The following HS6ST3 variants were observed in gnomAD, a reference collection of about 807,000 sequenced individuals.
HS6ST3 encodes the protein heparan-sulfate 6-O-sulfotransferase 3.
HS6ST3 carries 12 observed loss-of-function variants against 36.7 expected under a neutral mutation model. That is an observed-to-expected ratio of 0.33 (90% CI 0.21 to 0.53). The LOEUF is 0.53. HS6ST3 is among the 20% of genes least tolerant of loss of function. The pLI, the probability that HS6ST3 is intolerant of heterozygous loss-of-function variation, is 0.95. For missense variants in HS6ST3, 584 were observed against 640.9 expected (o/e 0.91, Z 0.96); for synonymous variants, 240 against 257.5 (o/e 0.93, Z 0.65).
chr13:96,333,382 A>T (rs1255890882), intron 1 of HS6ST3, among the ~76,000 whole-genome samples: 1 of 152,166 alleles, frequency 6.6e-6, no homozygotes, highest in African/African-American at 2.4e-5. Context: ...CATTAACCTG[A>T]AGTGATTACT....
At chr13:96,607,892 T>C (rs61262731) in intron 1 of HS6ST3, among the ~76,000 whole-genome samples, 4,533 of 152,266 alleles carry the variant, frequency 0.03, 224 homozygotes, top group African/African-American at 0.1. Context: ...ATTTTATTTT[T>C]AAATGCGTAC....
intron 1 of HS6ST3, among the ~76,000 whole-genome samples, chr13:96,196,968 C>T (rs1251349149): frequency 2.6e-5 from 4 of 152,176 alleles, no homozygotes; most frequent in African/African-American, 9.7e-5. Context: ...CTGCACCATC[C>T]TGTGGTTTAT....
chr13:96,689,044 A>G (rs1250335397), intron 1 of HS6ST3, among the ~76,000 whole-genome samples: 1 of 152,066 alleles, frequency 6.6e-6, no homozygotes, highest in Non-Finnish European at 1.5e-5. Flanking sequence ...ATTGATTCAC[A>G]CTTTATAGTC....
intron 1 of HS6ST3, among the ~76,000 whole-genome samples, chr13:96,245,151 T>TA (rs2054578770): frequency 6.6e-6 from 1 of 152,226 alleles, no homozygotes; most frequent in South Asian, 2.1e-4. Flanking sequence ...GCAACCAACA[T>TA]ATGACACTTG....
Position 96,389,245 on chromosome 13 carries a change from A to AT in HS6ST3, c.707+297677dup, listed in dbSNP as rs1462458920. 5.3e-5 allele frequency among the ~76,000 whole-genome samples: 8 copies of AT among 152,216 alleles called. No individual in the cohort carries two copies. The East Asian group carries it at 1.6e-3, about 29-fold the overall frequency. On this transcript the variant is annotated intron_variant, in intron 1 of 1. Transcript: ENST00000376705. The stretch of plus-strand genomic sequence containing the variant: ...GTACGGGACTCAGAATTTTTGTTAA[A>AT]TAAGATTTTAGCTGTTCTTGTCATA...
intron 1 of HS6ST3, among the ~76,000 whole-genome samples, chr13:96,139,676 A>G (rs1359789972): frequency 1.3e-5 from 2 of 151,710 alleles, no homozygotes; most frequent in African/African-American, 2.4e-5. Context: ...ATTTTTCTTC[A>G]TGAGTTTTGC....
intron 1 of HS6ST3, among the ~76,000 whole-genome samples, chr13:96,576,379 A>G (rs2056321302): frequency 6.6e-6 from 1 of 152,154 alleles, no homozygotes; most frequent in Non-Finnish European, 1.5e-5. Flanking sequence ...TCTTGTTAAA[A>G]ACAGATGGGG....
chr13:96,206,931 A>G (rs1215329774), intron 1 of HS6ST3, among the ~76,000 whole-genome samples: 1 of 152,170 alleles, frequency 6.6e-6, no homozygotes, highest in African/African-American at 2.4e-5. Flanking sequence ...GCCAAAAGCA[A>G]TTGCAAGAAA....
intron 1 of HS6ST3, among the ~76,000 whole-genome samples, chr13:96,307,593 T>C (rs2054920144): frequency 6.6e-6 from 1 of 152,090 alleles, no homozygotes. Context: ...TATTGTGACA[T>C]AGGAAATAAT....
intron 1 of HS6ST3, among the ~76,000 whole-genome samples, chr13:96,773,495 A>C (rs1877318915): frequency 6.6e-6 from 1 of 152,046 alleles, no homozygotes; most frequent in East Asian, 1.9e-4. Flanking sequence ...GTCCGGGGAG[A>C]GGCATCCACC....
intron 1 of HS6ST3, among the ~76,000 whole-genome samples, chr13:96,453,336 T>G (rs948809853): frequency 6.6e-6 from 1 of 152,136 alleles, no homozygotes; most frequent in Non-Finnish European, 1.5e-5. Context: ...CTCACCCCTC[T>G]CCAACTCTCT....
chr13:96,684,644 T>C (rs568772736), intron 1 of HS6ST3, among the ~76,000 whole-genome samples: 37 of 152,234 alleles, frequency 2.4e-4, no homozygotes, highest in Non-Finnish European at 5.1e-4. Context: ...GACTGGGATC[T>C]GAAGTATTCC....
rs34130950 is a variant in HS6ST3, at chr13:96,131,745, C to CTT, written c.707+40187_707+40188dup. Among the ~76,000 whole-genome samples, 1,156 of 144,076 alleles carry CTT rather than the reference C, an allele frequency of 8.0e-3. 12 individuals are homozygous for CTT. Among genetic ancestry groups the CTT allele is most frequent in the East Asian group, 0.036 (179 of 4,972 alleles). 94.5% of individuals were successfully genotyped at this position (144,076 alleles called of 152,430 possible). A position where few individuals can be genotyped will look rare whatever the true frequency, so the allele number is the denominator to read the frequency against. On this transcript the variant is annotated intron_variant, in intron 1 of 1. Coordinates refer to ENST00000376705, the MANE Select transcript of HS6ST3 (RefSeq NM_153456.4). ...AACTCCTGGTAACCACTATTCTACT[C>CTT]TTTTTTTTTTTTAATCACATATCAT...
intron 1 of HS6ST3, among the ~76,000 whole-genome samples, chr13:96,726,178 G>A (rs72645514): frequency 1.5e-3 from 225 of 152,292 alleles, no homozygotes; most frequent in Non-Finnish European, 2.5e-3. Context: ...TGTTGATTTT[G>A]ATGTTTTTAT....
chr13:96,117,083 C>T (rs2053897312), intron 1 of HS6ST3, among the ~76,000 whole-genome samples: 1 of 152,152 alleles, frequency 6.6e-6, no homozygotes. Context: ...TAGGATTGCA[C>T]ATTTAAGATT....
intron 1 of HS6ST3, among the ~76,000 whole-genome samples, chr13:96,625,317 C>T (rs545905827): frequency 2.0e-5 from 3 of 152,212 alleles, no homozygotes; most frequent in South Asian, 4.1e-4. Context: ...CCATCTGGTT[C>T]GGGAAACAAG....
chr13:96,736,655 T>C (rs1876292508), intron 1 of HS6ST3, among the ~76,000 whole-genome samples: 2 of 152,206 alleles, frequency 1.3e-5, no homozygotes, highest in Non-Finnish European at 2.9e-5. Context: ...TCAGACTCTT[T>C]ACCCCCAAGA....
At chr13:96,458,031 CG>C (rs1267134417) in intron 1 of HS6ST3, among the ~76,000 whole-genome samples, 1 of 151,816 alleles carries the variant, frequency 6.6e-6, no homozygotes, top group Non-Finnish European at 1.5e-5. Flanking sequence ...TTTTAGGAAC[CG>C]GGGAGGAAAT....
chr13:96,148,152 T>C (rs2054067065), intron 1 of HS6ST3, among the ~76,000 whole-genome samples: 1 of 152,222 alleles, frequency 6.6e-6, no homozygotes, highest in Admixed American at 6.5e-5. Flanking sequence ...AATTTGGTGT[T>C]GTTTTTGTGA....
Sources: gnomAD v4.1 joint callset for allele counts (sites outside exome capture counted in the v4.1 genomes callset) on GRCh38, gnomAD v4.1.1 for gene constraint, MANE v1.5 for transcripts, NCBI Gene and HGNC (gene_info 2026-07-23, HGNC 2026-07-21) for gene names.